TSHZ2: variants seen among roughly 807,000 people sequenced by gnomAD.
TSHZ2 encodes teashirt homolog 2.
A neutral mutation model predicts 74.4 loss-of-function variants in TSHZ2; 21 were observed. The ratio of observed to expected loss-of-function variants is 0.28; its 90% confidence interval spans 0.20 to 0.41. The LOEUF is 0.41. Among genes scored for constraint, TSHZ2 ranks in the 10% least tolerant of loss-of-function variants. TSHZ2 has a pLI of 1.00. For synonymous variants in TSHZ2, 540 were observed against 515.3 expected, an observed-to-expected ratio of 1.05 and a Z score of -0.65; for missense variants, 1,244 against 1,293.5, an observed-to-expected ratio of 0.96 and a Z score of 0.59.
At chr20:53,421,068 A>G (rs921464601) in intron 2 of TSHZ2, 2 of 152,252 alleles carry the variant, frequency 1.3e-5, no homozygotes, top group Non-Finnish European at 2.9e-5. Context: ...TCTGTCCCGC[A>G]TTGGGTCATT....
intron 1 of TSHZ2, chr20:53,097,627 A>G (rs1448044000): frequency 6.6e-6 from 1 of 152,256 alleles, no homozygotes; most frequent in African/African-American, 2.4e-5. Context: ...TCTAATGAAA[A>G]TGCTTGTTAG....
chr20:53,280,914 G>A (rs573355850), intron 2 of TSHZ2, among the ~76,000 whole-genome samples: 98 of 152,166 alleles, frequency 6.4e-4, no homozygotes, highest in African/African-American at 2.1e-3. Context: ...GGGTGGTCTC[G>A]ATCTCCTGAC....
chr20:53,157,408 T>TG (rs1301946019), intron 1 of TSHZ2, among the ~76,000 whole-genome samples: 2 of 144,336 alleles, frequency 1.4e-5, no homozygotes, highest in African/African-American at 5.0e-5. Context: ...TTGAGTTGGT[T>TG]TTTTTTTTTT....
At chr20:53,096,424 C>T (rs1002451867) in intron 1 of TSHZ2, among the ~76,000 whole-genome samples, 20 of 152,092 alleles carry the variant, frequency 1.3e-4, no homozygotes, top group Admixed American at 1.1e-3. Context: ...ATTACAGGCG[C>T]GAGCCACCAT....
intron 1 of TSHZ2, among the ~76,000 whole-genome samples, chr20:53,073,699 A>G (rs1985276162): frequency 6.6e-6 from 1 of 152,152 alleles, no homozygotes; most frequent in African/African-American, 2.4e-5. Flanking sequence ...GTCCAGGAAC[A>G]CTGTTTTGAT....
At chr20:53,386,735 C>A (rs1403655113) in intron 2 of TSHZ2, among the ~76,000 whole-genome samples, 3 of 152,150 alleles carry the variant, frequency 2.0e-5, no homozygotes, top group Admixed American at 2.0e-4. Flanking sequence ...AGATGGGAAA[C>A]AGAGGCCTGC....
intron 2 of TSHZ2, among the ~76,000 whole-genome samples, chr20:53,474,357 A>AT (rs1985927746): frequency 7.8e-6 from 1 of 128,700 alleles, no homozygotes; most frequent in Admixed American, 7.9e-5. Context: ...AATATTCAAC[A>AT]TTCTTAAAGA....
intron 2 of TSHZ2, among the ~76,000 whole-genome samples, chr20:53,391,978 C>T (rs773033243): frequency 6.6e-6 from 1 of 152,090 alleles, no homozygotes; most frequent in African/African-American, 2.4e-5. Context: ...AGTAATTTTA[C>T]ATCTCTGAAT....
chr20:53,127,568 G>A (rs1295394036), intron 1 of TSHZ2, among the ~76,000 whole-genome samples: 1 of 152,122 alleles, frequency 6.6e-6, no homozygotes, highest in East Asian at 1.9e-4. Flanking sequence ...TAGAAAGAAT[G>A]GGCTACTTTG....
intron 1 of TSHZ2, among the ~76,000 whole-genome samples, chr20:53,070,189 A>G (rs1985126970): frequency 6.6e-6 from 1 of 152,212 alleles, no homozygotes; most frequent in Admixed American, 6.5e-5. Flanking sequence ...AAATACTGTT[A>G]TATAAGAAAT....
At chr20:53,458,914 T>C (rs1985229434) in intron 2 of TSHZ2, among the ~76,000 whole-genome samples, 1 of 152,220 alleles carries the variant, frequency 6.6e-6, no homozygotes, top group African/African-American at 2.4e-5. Flanking sequence ...TTGATTGCAC[T>C]GTGGTCTGAG....
chr20:53,283,847 T>A (rs190486829), intron 2 of TSHZ2, among the ~76,000 whole-genome samples: 1 of 152,330 alleles, frequency 6.6e-6, no homozygotes, highest in East Asian at 1.9e-4. Flanking sequence ...AGATTAACCC[T>A]ATTTTTATCC....
chr20:53,211,036 G>A (rs1387947049), intron 1 of TSHZ2, among the ~76,000 whole-genome samples: 1 of 152,104 alleles, frequency 6.6e-6, no homozygotes, highest in African/African-American at 2.4e-5. Context: ...GAATCCATCT[G>A]GACATAATAA....
At chr20:53,213,238 G>C (rs6022332) in intron 1 of TSHZ2, among the ~76,000 whole-genome samples, 62,709 of 151,996 alleles carry the variant, frequency 0.41, 15,704 homozygotes, top group African/African-American at 0.71. Context: ...GAGATTACTG[G>C]TTGAAAGTTT....
intron 2 of TSHZ2, among the ~76,000 whole-genome samples, chr20:53,428,923 A>T (rs372242231): frequency 2.6e-5 from 4 of 152,344 alleles, no homozygotes; most frequent in Admixed American, 6.5e-5. Flanking sequence ...TTAGGTGACC[A>T]TACTGTGGAG....
intron 2 of TSHZ2, among the ~76,000 whole-genome samples, chr20:53,279,241 G>A (rs1267599195): frequency 6.6e-6 from 1 of 152,158 alleles, no homozygotes; most frequent in Non-Finnish European, 1.5e-5. Context: ...CACAGTTCAA[G>A]CTCATGTTGT....
intron 2 of TSHZ2, among the ~76,000 whole-genome samples, chr20:53,311,342 G>A (rs1978776306): frequency 6.6e-6 from 1 of 152,122 alleles, no homozygotes; most frequent in Non-Finnish European, 1.5e-5. Context: ...CCAGAATCTG[G>A]GCATTCAAAC....
At chr20:53,258,842 T>C (rs1990541432) in intron 2 of TSHZ2, among the ~76,000 whole-genome samples, 1 of 152,216 alleles carries the variant, frequency 6.6e-6, no homozygotes, top group African/African-American at 2.4e-5. Context: ...TAGGCTGTGG[T>C]TCTGAGAGGA....
intron 1 of TSHZ2, among the ~76,000 whole-genome samples, chr20:53,017,521 T>C (rs1419141476): frequency 6.6e-6 from 1 of 151,208 alleles, no homozygotes. Flanking sequence ...ATCTAATAGA[T>C]GTTATTGCTT....
Sources: gnomAD v4.1 joint callset for allele counts (sites outside exome capture counted in the v4.1 genomes callset) on GRCh38, gnomAD v4.1.1 for gene constraint, MANE v1.5 for transcripts, NCBI Gene and HGNC (gene_info 2026-07-23, HGNC 2026-07-21) for gene names.